The following GTF2F1 variants were observed in gnomAD, a reference collection of about 807,000 sequenced individuals.
GTF2F1 encodes general transcription factor IIF subunit 1.
Under a neutral mutation model 63.5 loss-of-function variants are expected in GTF2F1, and 39 were observed. That is an observed-to-expected ratio of 0.61 (90% confidence interval 0.48 to 0.80). The LOEUF (loss-of-function observed/expected upper bound fraction) is 0.80. Ranked by LOEUF, GTF2F1 falls within the 30% of genes least tolerant of loss-of-function variation. The pLI, the probability that GTF2F1 is intolerant of heterozygous loss-of-function variation, is 0.00. For synonymous variants in GTF2F1, 287 were observed against 285.3 expected (o/e 1.01, Z -0.06); for missense variants, 657 against 718.3 (o/e 0.91, Z 0.97).
chr19:6,381,781 T>TTC lies in GTF2F1; in HGVS notation c.750_751dup (p.Lys251ArgfsTer165). 1 of 1,592,836 alleles carries TTC rather than the reference T, an allele frequency of 6.3e-7. No individual in the cohort carries two copies. The highest frequency in any genetic ancestry group is 8.6e-7 in the Non-Finnish European group (1 of 1,161,918). ...CTCGAAGGCCTCGTCGTCTGAACCC[T>TTC]TCTTCTTCTTCTTTTTCCTGCCGCC... On this transcript the variant is annotated frameshift_variant, in exon 7 of 13. Transcript: ENST00000394456. LOFTEE classifies it high-confidence loss of function. This position sits in a 1 kb window ranked among gnomAD's most constrained non-coding sequence, Gnocchi z 4.1.
chr19:6,383,189 A>T lies in GTF2F1; in HGVS notation c.682+122T>A. Reference sequence around the variant, plus strand: ...AGTGCTGGGATGACAGGCGTGAGCCACTGTGCCCGGCCCCACTTGCCTCTC... The same window carrying T: ...AGTGCTGGGATGACAGGCGTGAGCCTCTGTGCCCGGCCCCACTTGCCTCTC... On this transcript the variant is annotated intron_variant, in intron 6 of 12. Coordinates refer to ENST00000394456, the MANE Select transcript of GTF2F1 (RefSeq NM_002096.3). The surrounding 1 kb of genome is among the most constrained non-coding windows in gnomAD (Gnocchi z 4.5). 1 of 1,031,444 alleles carries T rather than the reference A, an allele frequency of 9.7e-7. No individual in the cohort carries two copies. The highest frequency in any genetic ancestry group is 1.4e-6 in the Non-Finnish European group (1 of 690,860). 63.9% of individuals were successfully genotyped at this position (1,031,444 alleles called of 1,614,324 possible). A position where few individuals can be genotyped will look rare whatever the true frequency, so the allele number is the denominator to read the frequency against.
chr19:6,393,028 C>T lies in GTF2F1; in HGVS notation c.-33G>A, dbSNP rs747442302. The T allele has an allele frequency of 8.4e-5, 136 of 1,612,994 alleles. No individual in the cohort carries two copies. Among genetic ancestry groups the T allele is most frequent in the Non-Finnish European group, 1.1e-4 (128 of 1,179,952 alleles). ...GGTCAGTGGTTCCGATCTGGTCCGA[C>T]CCGGGTTCCTTTCGTCTCCTCTGGC... On this transcript the variant is annotated 5_prime_UTR_variant, in exon 1 of 13. Coordinates refer to ENST00000394456, the MANE Select transcript of GTF2F1 (RefSeq NM_002096.3).
intron 5 of GTF2F1, among the ~76,000 whole-genome samples, chr19:6,385,395 CAAAAAA>C (rs10602439): frequency 5.3e-5 from 2 of 37,982 alleles, no homozygotes; most frequent in Admixed American, 3.2e-4. Context: ...GAGACTGTCT[CAAAAAA>C]AAAAAAAAAA....
rs768798986 is a variant in GTF2F1 at position 6,381,347 on chromosome 19, C to T, written c.1018+12G>A. On this transcript the variant is annotated intron_variant, in intron 9 of 12. Transcript: ENST00000394456. This position sits in a 1 kb window ranked among gnomAD's most constrained non-coding sequence, Gnocchi z 4.1. The stretch of plus-strand genomic sequence containing the variant: ...ACCCAAGCCTCCAATATGGGGGCCA[C>T]ATGCGCCGCACCTTTCCTGCGCTTC... 2.5e-6 allele frequency: 4 copies of T among 1,574,192 alleles called. No homozygotes were observed. Among genetic ancestry groups the T allele is most frequent in the African/African-American group, 1.4e-5 (1 of 73,966 alleles).
chr19:6,390,856 G>A (rs1025912749), intron 3 of GTF2F1, among the ~76,000 whole-genome samples: 7 of 152,150 alleles, frequency 4.6e-5, no homozygotes, highest in African/African-American at 1.7e-4. Flanking sequence ...CTCCAGCCTG[G>A]ATGACAAGAG....
At chr19:6,392,938 C>T in intron 1 of GTF2F1, 35 bp from the exon 2 acceptor site, 2 of 1,614,076 alleles carry the variant, frequency 1.2e-6, no homozygotes, top group African/African-American at 1.3e-5. Context: ...GAGGGGTCGC[C>T]GAGGTCGCCG....
intron 5 of GTF2F1, chr19:6,387,073 C>G (rs1190830243): frequency 6.1e-6 from 2 of 325,332 alleles, no homozygotes; most frequent in Non-Finnish European, 1.1e-5. Flanking sequence ...CCTGGAGCTG[C>G]TGCCCTGCAG....
chr19:6,390,182 G>C (rs1336359489), intron 3 of GTF2F1: 1 of 153,662 alleles, frequency 6.5e-6, no homozygotes, highest in Admixed American at 6.5e-5. Context: ...TTGAACCTGG[G>C]AGGCGGAGGT....
chr19:6,387,439 C>G lies in GTF2F1; in HGVS notation c.447G>C (p.Leu149=), dbSNP rs143919566. 27 of 1,614,264 alleles carry G rather than the reference C, an allele frequency of 1.7e-5. No individual in the cohort carries two copies. The African/African-American group carries it at 2.7e-4, about 16-fold the overall frequency. The stretch of plus-strand genomic sequence containing the variant: ...CGGCAGTGAGCGTGCGATGCCGGGC[C>G]AGCGGTGTGAAATTGTACCAGTTGT... ...PVHNWYNFTP[L]ARHRTLTAEE... is the part of the protein sequence containing the mutation. The change falls in exon 5 of 13, where the codon CTG becomes CTC. Residue 149 remains leucine, a synonymous_variant. Coordinates refer to ENST00000394456, the MANE Select transcript of GTF2F1 (RefSeq NM_002096.3).
chr19:6,382,462 TC>T (rs553239451), intron 6 of GTF2F1, among the ~76,000 whole-genome samples: 22 of 151,992 alleles, frequency 1.4e-4, no homozygotes, highest in African/African-American at 4.8e-4. Context: ...TGAAACCCCA[TC>T]TCTACTAAAA....
At chr19:6,392,063 A>G (rs2092001139) in intron 2 of GTF2F1, 89 bp from the exon 3 acceptor site, 3 of 718,094 alleles carry the variant, frequency 4.2e-6, no homozygotes, top group Non-Finnish European at 7.6e-6. Context: ...CATTAATTCA[A>G]TCAACCACCC....
At position 6,393,050 on chromosome 19, in the gene GTF2F1, TGG is replaced by T; in HGVS notation, c.-57_-56del. 4 of 1,609,760 alleles carry T rather than the reference TGG, an allele frequency of 2.5e-6. No homozygotes were observed. Among genetic ancestry groups the T allele is most frequent in the Non-Finnish European group, 3.4e-6 (4 of 1,178,296 alleles). On this transcript the variant is annotated 5_prime_UTR_variant, in exon 1 of 13. Transcript: ENST00000394456. ...CGACCCGGGTTCCTTTCGTCTCCTCTGGCGTGCGCGTCCCTCGATCCCGGGGA... is the reference window on the plus strand; with the variant it reads ...CGACCCGGGTTCCTTTCGTCTCCTCTCGTGCGCGTCCCTCGATCCCGGGGA...
At chr19:6,389,979 G>C (rs1026389207) in intron 3 of GTF2F1, among the ~76,000 whole-genome samples, 7 of 152,188 alleles carry the variant, frequency 4.6e-5, no homozygotes, top group African/African-American at 1.7e-4. Flanking sequence ...ATTATCTACA[G>C]CAGGCATCTG....
chr19:6,391,886 G>A lies in GTF2F1; in HGVS notation c.132+16C>T, dbSNP rs555586713. The A allele has an allele frequency of 5.5e-4, 831 of 1,499,990 alleles. 8 individuals carry two copies. In the South Asian group the frequency reaches 9.3e-3, roughly 17 times the overall value. 92.9% of individuals were successfully genotyped at this position (1,499,990 alleles called of 1,614,324 possible). A position where few individuals can be genotyped will look rare whatever the true frequency, so the allele number is the denominator to read the frequency against. On this transcript the variant is annotated intron_variant, in intron 3 of 12. Coordinates refer to ENST00000394456, the MANE Select transcript of GTF2F1 (RefSeq NM_002096.3). ...TCACCACCCCAGCCCCTGACCCCCA[G>A]GACTCAGAGACTTACCTGATTCCAC... is the stretch of plus-strand genomic sequence containing the variant.
Position 6,381,311 on chromosome 19 carries a change from G to T in GTF2F1, c.1018+48C>A, listed in dbSNP as rs112735008. 6.5e-7 allele frequency: 1 copy of T among 1,542,402 alleles called. No individual in the cohort carries two copies. On this transcript the variant is annotated intron_variant, in intron 9 of 12. Transcript: ENST00000394456. The surrounding 1 kb of genome is among the most constrained non-coding windows in gnomAD (Gnocchi z 4.1). ...GGGAGAGGGGAGGAGGTGGCAGGGC[G>T]CCAGGGCCCGACCCAAGCCTCCAAT...
At position 6,381,635 on chromosome 19, in the gene GTF2F1, A is replaced by G. The variant is rs747943929; in HGVS notation, c.837-20T>C. 2 of 1,613,956 alleles carry G rather than the reference A, an allele frequency of 1.2e-6. No individual in the cohort carries two copies. The highest frequency in any genetic ancestry group is 1.7e-6 in the Non-Finnish European group (2 of 1,180,024). ...GAGCTACTGTAAGACGGGGATGGCAAAGGATGAGCGCGCGCTCGCGAGGCT... is the reference window on the plus strand; with the variant it reads ...GAGCTACTGTAAGACGGGGATGGCAGAGGATGAGCGCGCGCTCGCGAGGCT... On this transcript the variant is annotated intron_variant, in intron 7 of 12. Coordinates refer to ENST00000394456, the MANE Select transcript of GTF2F1 (RefSeq NM_002096.3). This position sits in a 1 kb window ranked among gnomAD's most constrained non-coding sequence, Gnocchi z 4.1.
rs768770343 is a variant in GTF2F1 at position 6,389,581 on chromosome 19, G to C, written c.189C>G (p.Pro63=). The part of the protein sequence containing the change: ...NKKIYQEEEM[P]ESGAGSEFNR... ...TGAACTCACTGCCCGCGCCCGATTC[G>C]GGCATCTCCTCCTCTTGGTAGATTT... The change falls in exon 4 of 13, where the codon CCC becomes CCG. Residue 63 remains proline (P), a synonymous_variant. Coordinates refer to ENST00000394456, the MANE Select transcript of GTF2F1 (RefSeq NM_002096.3). 1.1e-5 allele frequency: 17 copies of C among 1,614,028 alleles called. No homozygotes were observed. The South Asian group carries it at 1.6e-4, about 16-fold the overall frequency.
In GTF2F1 at chr19:6,381,525, T is replaced by A. The variant is rs147542094; in HGVS notation, c.898+29A>T. ...CAAGAGCAGGGAAGCACCGCCCCCA[T>A]CTCCCCGGCCCGCCCAGCCATCGCC... On this transcript the variant is annotated intron_variant, in intron 8 of 12. Coordinates refer to ENST00000394456, the MANE Select transcript of GTF2F1 (RefSeq NM_002096.3). The surrounding 1 kb of genome is among the most constrained non-coding windows in gnomAD (Gnocchi z 4.1). 74 of 1,610,588 alleles carry A rather than the reference T, an allele frequency of 4.6e-5. No homozygotes were observed. Among genetic ancestry groups the A allele is most frequent in the Non-Finnish European group, 6.1e-5 (72 of 1,179,876 alleles).
chr19:6,382,685 C>A (rs181767234), intron 6 of GTF2F1, among the ~76,000 whole-genome samples: 3 of 150,844 alleles, frequency 2.0e-5, no homozygotes, highest in Non-Finnish European at 4.4e-5. Context: ...GTAGTCCCAG[C>A]TACTCAGGAG....
Sources: allele counts gnomAD v4.1 joint callset (sites outside exome capture counted in the v4.1 genomes callset), GRCh38; gene constraint gnomAD v4.1.1; non-coding constraint Gnocchi (gnomAD v3.1); transcripts MANE v1.5; gene names NCBI Gene and HGNC (gene_info 2026-07-23, HGNC 2026-07-21).